Variants in CD274 observed in about 807,000 individuals in gnomAD.
CD274 encodes CD274 molecule.
Under a neutral mutation model 30.1 loss-of-function variants are expected in CD274, and 8 were observed. The ratio of observed to expected loss-of-function variants is 0.27; its 90% CI spans 0.16 to 0.48. CD274 has a LOEUF of 0.48. Among genes scored for constraint, CD274 ranks in the 20% least tolerant of loss-of-function variants. CD274 has a pLI of 0.99. For synonymous variants in CD274, 152 were observed against 124.6 expected (o/e 1.22, Z -1.46); for missense variants, 353 against 346.6 (o/e 1.02, Z -0.15).
At chr9:5,459,267 T>C (rs893205948) in intron 3 of CD274, among the ~76,000 whole-genome samples, 1 of 152,242 alleles carries the variant, frequency 6.6e-6, no homozygotes, top group Non-Finnish European at 1.5e-5. Flanking sequence ...AATTACTTAA[T>C]TGGCATTCTA....
intron 4 of CD274, among the ~76,000 whole-genome samples, chr9:5,463,495 T>C (rs1819444174): frequency 6.6e-6 from 1 of 152,224 alleles, no homozygotes; most frequent in Non-Finnish European, 1.5e-5. Flanking sequence ...GGGGAATACC[T>C]GAGAGGAATA....
intron 5 of CD274, 100 bp downstream of exon 5, chr9:5,465,706 G>C: frequency 1.4e-6 from 1 of 695,242 alleles, no homozygotes; most frequent in Non-Finnish European, 2.6e-6. Context: ...CTGCAAGGTG[G>C]TGCAAAGGCA....
chr9:5,456,774 A>C (rs2131210129), intron 2 of CD274, among the ~76,000 whole-genome samples: 1 of 152,368 alleles, frequency 6.6e-6, no homozygotes, highest in South Asian at 2.1e-4. Flanking sequence ...CATGAAACCA[A>C]GTCTCCCTGG....
intron 3 of CD274, among the ~76,000 whole-genome samples, chr9:5,460,272 A>G (rs1216806875): frequency 6.6e-6 from 1 of 152,176 alleles, no homozygotes; most frequent in Non-Finnish European, 1.5e-5. Flanking sequence ...ACACTGGAGC[A>G]GCAGTAGTAA....
rs765610549 is a variant in CD274, at chr9:5,463,048, T to C, written c.609T>C (p.Thr203=). The C allele has an allele frequency of 1.9e-5, 30 of 1,613,772 alleles. No homozygotes were observed. The highest frequency in any genetic ancestry group is 2.3e-5 in the Non-Finnish European group (27 of 1,179,802). Residue 203 remains threonine, a synonymous_variant, in exon 4 of 7, where the codon ACT becomes ACC. Transcript: ENST00000381577. ...VTSTLRINTT[T]NEIFYCTFRR... ...GCACACTGAGAATCAACACAACAAC[T>C]AATGAGATTTTCTACTGCACTTTTA...
chr9:5,466,886 C>A (rs2131233335), intron 6 of CD274, 57 bp downstream of exon 6: 2 of 1,299,472 alleles, frequency 1.5e-6, no homozygotes, highest in Non-Finnish European at 2.2e-6. Context: ...AAAGCTAAAG[C>A]AATAACAAAG....
chr9:5,466,845 G>A lies in CD274; in HGVS notation c.850+16G>A. The stretch of plus-strand genomic sequence containing the variant: ...AAGCAAAGTGGTAAGAATATCAGAA[G>A]GAATTGGGAAGTAAAAGTCAAAGGA... On this transcript the variant is annotated intron_variant, in intron 6 of 6. Coordinates refer to ENST00000381577, the MANE Select transcript of CD274 (RefSeq NM_014143.4). The A allele has an allele frequency of 1.9e-6, 3 of 1,592,514 alleles. No individual in the cohort carries two copies. Among genetic ancestry groups the A allele is most frequent in the Non-Finnish European group, 1.7e-6 (2 of 1,164,512 alleles).
At chr9:5,457,480 A>C (rs1819327666) in intron 3 of CD274, 60 bp downstream of exon 3, 1 of 1,375,984 alleles carries the variant, frequency 7.3e-7, no homozygotes, top group African/African-American at 1.4e-5. Flanking sequence ...CAAGTGTTGA[A>C]GACTTTTCAT....
chr9:5,466,139 G>C (rs527859520), intron 5 of CD274, among the ~76,000 whole-genome samples: 11 of 152,246 alleles, frequency 7.2e-5, no homozygotes, highest in African/African-American at 2.4e-4. Flanking sequence ...AGATGAGTCA[G>C]AGTAAATAAT....
In CD274 at chr9:5,468,895, A is replaced by G. The variant is rs1563807010; in HGVS notation, c.*1033A>G. 4.3e-6 allele frequency: 1 copy of G among 233,176 alleles called. No individual in the cohort carries two copies. Among genetic ancestry groups the G allele is most frequent in the African/African-American group, 2.2e-5 (1 of 45,466 alleles). 14.4% of individuals were successfully genotyped at this position (233,176 alleles called of 1,614,324 possible). ...TTTATTAAGTGCCCTTGCAATATCA[A>G]TCGCTGTGCCAGGCATTGAATCTAC... On this transcript the variant is annotated 3_prime_UTR_variant, in exon 7 of 7. Coordinates refer to ENST00000381577, the MANE Select transcript of CD274 (RefSeq NM_014143.4).
At chr9:5,455,441 A>T (rs1483014401) in intron 1 of CD274, among the ~76,000 whole-genome samples, 1 of 152,200 alleles carries the variant, frequency 6.6e-6, no homozygotes, top group East Asian at 1.9e-4. Flanking sequence ...AGTGGCTGTG[A>T]GTCATTCATA....
At chr9:5,459,458 ACT>A (rs1197792497) in intron 3 of CD274, among the ~76,000 whole-genome samples, 1 of 152,066 alleles carries the variant, frequency 6.6e-6, no homozygotes, top group Non-Finnish European at 1.5e-5. Context: ...GGGAAGTAGA[ACT>A]CCTGAGTCAC....
rs965267241 is a variant in CD274, at chr9:5,469,441, C to T, written c.*1579C>T. The T allele has an allele frequency of 4.3e-6, 1 of 231,648 alleles. No homozygotes were observed. Among genetic ancestry groups the T allele is most frequent in the Admixed American group, 5.6e-5 (1 of 17,744 alleles). The allele number at this position is 231,648 out of a possible 1,614,324, so 14.3% of individuals were successfully genotyped here. On this transcript the variant is annotated 3_prime_UTR_variant, in exon 7 of 7. Transcript: ENST00000381577. Reference sequence around the variant, plus strand: ...TGCTACTGCCTTTCATTCATATGTTCTTCTAAAGATAGTCTACATTTGGAA... The same window carrying T: ...TGCTACTGCCTTTCATTCATATGTTTTTCTAAAGATAGTCTACATTTGGAA...
At chr9:5,451,167 A>G (rs965260274) in intron 1 of CD274, among the ~76,000 whole-genome samples, 3 of 152,260 alleles carry the variant, frequency 2.0e-5, no homozygotes, top group African/African-American at 7.2e-5. Context: ...ACCTTGGCCT[A>G]TGTCAAAGTT....
chr9:5,454,876 T>C lies in CD274; in HGVS notation c.-14-1224T>C, dbSNP rs143929517. Among the ~76,000 whole-genome samples the C allele has an allele frequency of 2.5e-3, 381 of 152,348 alleles. 1 individual carries two copies. Among genetic ancestry groups the C allele is most frequent in the Middle Eastern group, 0.02 (6 of 294 alleles). ...AGTGAAAATGGTATTTCATATCTTA[T>C]ATTTTTTATTGTGAGATTGAACATC... is the stretch of plus-strand genomic sequence containing the variant. On this transcript the variant is annotated intron_variant, in intron 1 of 6. Transcript: ENST00000381577.
Position 5,456,931 on chromosome 9 carries a change from C to T in CD274, c.53-148C>T. 4 of 609,604 alleles carry T rather than the reference C, an allele frequency of 6.6e-6. No homozygotes were observed. The South Asian group carries it at 8.1e-5, about 12-fold the overall frequency. The allele number at this position is 609,604 out of a possible 1,614,324, so 37.8% of individuals were successfully genotyped here. A position where few individuals can be genotyped will look rare whatever the true frequency, so the allele number is the denominator to read the frequency against. ...ATAGTGTCCCAAAACATATTTCAAG[C>T]CCATTGGATAAAATATGTGTTTAGC... On this transcript the variant is annotated intron_variant, in intron 2 of 6. Transcript: ENST00000381577.
intron 6 of CD274, 91 bp from the exon 7 acceptor site, chr9:5,467,749 G>A (rs1819520749): frequency 2.0e-6 from 2 of 991,590 alleles, no homozygotes; most frequent in Non-Finnish European, 3.2e-6. Flanking sequence ...TATCATATCA[G>A]CAACTATGAG....
chr9:5,461,653 G>T (rs1414051117), intron 3 of CD274, among the ~76,000 whole-genome samples: 1 of 152,066 alleles, frequency 6.6e-6, no homozygotes, highest in African/African-American at 2.4e-5. Flanking sequence ...GTAAAAAAAA[G>T]ATTATACCAA....
intron 4 of CD274, among the ~76,000 whole-genome samples, chr9:5,464,516 G>T (rs1819463535): frequency 1.3e-5 from 2 of 152,292 alleles, no homozygotes; most frequent in Non-Finnish European, 2.9e-5. Context: ...GACTAAGGGT[G>T]AGAGGTGGGA....
Sources: allele counts gnomAD v4.1 joint callset (sites outside exome capture counted in the v4.1 genomes callset), GRCh38; gene constraint gnomAD v4.1.1; transcripts MANE v1.5; gene names NCBI Gene and HGNC (gene_info 2026-07-23, HGNC 2026-07-21).